The following VEPH1 variants were observed in gnomAD, a reference collection of about 807,000 sequenced individuals.
The protein encoded by VEPH1 is ventricular zone expressed PH domain containing 1.
VEPH1 carries 80 observed loss-of-function variants against 85.2 expected under a neutral mutation model. The observed-to-expected ratio is 0.94, with a 90% confidence interval of 0.78 to 1.13. The LOEUF is 1.13. Ranked by LOEUF, VEPH1 falls within the 50% of genes most tolerant of loss-of-function variation. VEPH1 has a pLI of 0.00. For missense variants in VEPH1, 955 were observed against 980.5 expected, an observed-to-expected ratio of 0.97 and a Z score of 0.35; for synonymous variants, 297 against 348.0, an observed-to-expected ratio of 0.85 and a Z score of 1.63.
At chr3:157,269,145 G>A (rs1714158029) in intron 12 of VEPH1, among the ~76,000 whole-genome samples, 3 of 152,172 alleles carry the variant, frequency 2.0e-5, no homozygotes, top group Non-Finnish European at 4.4e-5. Flanking sequence ...TTTTGGATCT[G>A]ACATAGAGGA....
intron 4 of VEPH1, 98 bp downstream of exon 4, chr3:157,460,083 T>G: frequency 1.2e-6 from 2 of 1,610,842 alleles, no homozygotes; most frequent in Non-Finnish European, 1.7e-6. Context: ...TTGCTTCTAA[T>G]ACTCTAGGTC....
intron 4 of VEPH1, among the ~76,000 whole-genome samples, chr3:157,450,048 C>CTTTTTTTTTTTTTTTTTTT (rs761761440): frequency 3.9e-5 from 3 of 77,324 alleles, no homozygotes; most frequent in Admixed American, 1.9e-4. Context: ...AGAATATTTA[C>CTTTTTTTTTTTTTTTTTTT]TTTTTTTTTT....
chr3:157,269,642 G>GTTTTTTTTTTTTTTTTTTT (rs11408861), intron 12 of VEPH1, among the ~76,000 whole-genome samples: 36 of 115,448 alleles, frequency 3.1e-4, no homozygotes, highest in Non-Finnish European at 4.7e-4. Flanking sequence ...TGTTTTTGTT[G>GTTTTTTTTTTTTTTTTTTT]TTTTTTTTTT....
intron 2 of VEPH1, among the ~76,000 whole-genome samples, chr3:157,475,777 G>A (rs1281150037): frequency 6.6e-6 from 1 of 152,150 alleles, no homozygotes; most frequent in Non-Finnish European, 1.5e-5. Flanking sequence ...ACCTACTCAG[G>A]GTGACCCTGA....
intron 12 of VEPH1, among the ~76,000 whole-genome samples, chr3:157,279,963 CAG>C (rs1444147645): frequency 7.2e-6 from 1 of 138,972 alleles, no homozygotes; most frequent in Admixed American, 8.3e-5. Flanking sequence ...TAGCAGTGAG[CAG>C]AGACTGTGCC....
Position 157,430,677 on chromosome 3 carries a change from A to G in VEPH1, c.530-2189T>C, listed in dbSNP as rs528429081. ...GGGTTTGAGCGTCTGAATTTCTAAC[A>G]AGCTCTCAGGTGACACTGATGGTCC... On this transcript the variant is annotated intron_variant, in intron 4 of 13. Transcript: ENST00000362010. Among the ~76,000 whole-genome samples, 10 of 152,314 alleles carry G rather than the reference A, an allele frequency of 6.6e-5. No homozygotes were observed. In the East Asian group the frequency reaches 1.9e-3, roughly 29 times the overall value.
At chr3:157,370,276 G>A (rs1727343929) in intron 7 of VEPH1, among the ~76,000 whole-genome samples, 1 of 152,018 alleles carries the variant, frequency 6.6e-6, no homozygotes, top group African/African-American at 2.4e-5. Flanking sequence ...TATAAAGCTG[G>A]CAGGGGGTGG....
chr3:157,290,571 A>G (rs751890176), intron 11 of VEPH1, among the ~76,000 whole-genome samples: 6 of 152,212 alleles, frequency 3.9e-5, no homozygotes, highest in Non-Finnish European at 5.9e-5. Context: ...GAGGAGTCAC[A>G]TTCTCCCAAG....
intron 4 of VEPH1, chr3:157,437,691 C>A (rs568717634): frequency 8.5e-6 from 13 of 1,532,524 alleles, no homozygotes; most frequent in Non-Finnish European, 1.0e-5. Flanking sequence ...CGAGGCCGTG[C>A]GCGCCGGGGG....
chr3:157,337,098 A>G (rs1044901119), intron 9 of VEPH1, among the ~76,000 whole-genome samples: 1 of 150,966 alleles, frequency 6.6e-6, no homozygotes, highest in Non-Finnish European at 1.5e-5. Flanking sequence ...GAAATGCCAT[A>G]GGCATTTTAT....
chr3:157,393,416 G>C (rs1403213755), intron 6 of VEPH1, among the ~76,000 whole-genome samples: 2 of 152,186 alleles, frequency 1.3e-5, no homozygotes, highest in East Asian at 1.9e-4. Flanking sequence ...ATCTAGCATA[G>C]AGTAGGTGAC....
intron 4 of VEPH1, among the ~76,000 whole-genome samples, chr3:157,450,222 A>G (rs1734863383): frequency 6.6e-6 from 1 of 151,524 alleles, no homozygotes; most frequent in South Asian, 2.1e-4. Flanking sequence ...AGCCCAGATA[A>G]ATTCTTTGAT....
intron 9 of VEPH1, among the ~76,000 whole-genome samples, chr3:157,350,056 A>G (rs1724697583): frequency 6.6e-6 from 1 of 152,232 alleles, no homozygotes; most frequent in Admixed American, 6.5e-5. Context: ...GACCCCAAAT[A>G]GCCATAGCAA....
At chr3:157,490,237 C>G (rs1056975622) in intron 2 of VEPH1, among the ~76,000 whole-genome samples, 1 of 151,438 alleles carries the variant, frequency 6.6e-6, no homozygotes, top group Non-Finnish European at 1.5e-5. Flanking sequence ...CAGAAAAAAA[C>G]AAAGCAGTGT....
chr3:157,335,257 G>T (rs763745561), intron 9 of VEPH1, among the ~76,000 whole-genome samples: 43 of 151,838 alleles, frequency 2.8e-4, no homozygotes, highest in Admixed American at 1.3e-4. Context: ...AAAATGCTGG[G>T]TGTAGTGGCC....
chr3:157,483,151 C>CACACAA, intron 2 of VEPH1, among the ~76,000 whole-genome samples: 1 of 151,526 alleles, frequency 6.6e-6, no homozygotes, highest in Admixed American at 6.6e-5. Flanking sequence ...CACACACACA[C>CACACAA]ACAATGTGTA....
chr3:157,474,852 G>A (rs1458719421), intron 2 of VEPH1, among the ~76,000 whole-genome samples: 1 of 151,732 alleles, frequency 6.6e-6, no homozygotes, highest in Non-Finnish European at 1.5e-5. Context: ...TATATATTAG[G>A]TTTGAATATG....
At chr3:157,372,619 A>G (rs906404481) in intron 7 of VEPH1, among the ~76,000 whole-genome samples, 1 of 152,214 alleles carries the variant, frequency 6.6e-6, no homozygotes, top group Non-Finnish European at 1.5e-5. Flanking sequence ...GGAATAAAAT[A>G]TTAGGTATTA....
Position 157,451,365 on chromosome 3 carries a change from A to G in VEPH1, c.529+8816T>C, listed in dbSNP as rs1479498856. On this transcript the variant is annotated intron_variant, in intron 4 of 13. Coordinates refer to ENST00000362010, the MANE Select transcript of VEPH1 (RefSeq NM_001167912.2). ...ACCTTTAATCCTTCCTCCAAGAAGT[A>G]AGAAGTAAGACCTTTTACAATTACC... Among the ~76,000 whole-genome samples, 8 of 152,220 alleles carry G rather than the reference A, an allele frequency of 5.3e-5. No individual in the cohort carries two copies. In the East Asian group the frequency reaches 1.5e-3, roughly 29 times the overall value.
Sources: allele counts gnomAD v4.1 joint callset (sites outside exome capture counted in the v4.1 genomes callset), GRCh38; gene constraint gnomAD v4.1.1; transcripts MANE v1.5; gene names NCBI Gene and HGNC (gene_info 2026-07-23, HGNC 2026-07-21).